WDR25: variants seen among roughly 807,000 people sequenced by gnomAD.
The protein encoded by WDR25 is WD repeat domain 25.
A neutral mutation model predicts 47.7 loss-of-function variants in WDR25; 35 were observed. The observed-to-expected ratio is 0.73, with a 90% CI of 0.56 to 0.97. The LOEUF (loss-of-function observed/expected upper bound fraction) is 0.97, where lower values mean the gene tolerates loss of function less well. Ranked by LOEUF, WDR25 falls within the 50% of genes least tolerant of loss-of-function variation. WDR25 has a pLI of 0.00. For synonymous variants in WDR25, 248 were observed against 278.9 expected (o/e 0.89, Z 1.10); for missense variants, 634 against 704.7 (o/e 0.90, Z 1.14).
intron 2 of WDR25, among the ~76,000 whole-genome samples, chr14:100,445,580 A>G (rs1030332808): frequency 6.6e-6 from 1 of 152,136 alleles, no homozygotes; most frequent in Admixed American, 6.5e-5. Flanking sequence ...CAGCCATGTG[A>G]CTCAGGGGCC....
chr14:100,459,190 G>A (rs918001499), intron 2 of WDR25, among the ~76,000 whole-genome samples: 2 of 152,110 alleles, frequency 1.3e-5, no homozygotes, highest in African/African-American at 4.8e-5. Flanking sequence ...TGAGAGAAGT[G>A]ACCTAATTAT....
At chr14:100,412,684 G>A (rs940944707) in intron 2 of WDR25, among the ~76,000 whole-genome samples, 1 of 152,282 alleles carries the variant, frequency 6.6e-6, no homozygotes, top group South Asian at 2.1e-4. Flanking sequence ...TGTCTCTGTG[G>A]TTTGCCTTAT....
At chr14:100,470,824 G>C (rs558762892) in intron 3 of WDR25, among the ~76,000 whole-genome samples, 1 of 152,312 alleles carries the variant, frequency 6.6e-6, no homozygotes, top group South Asian at 2.1e-4. Context: ...GTGGTGTGTT[G>C]GGTGTGTAAA....
At chr14:100,521,579 G>C (rs529692562) in intron 4 of WDR25, among the ~76,000 whole-genome samples, 2 of 152,210 alleles carry the variant, frequency 1.3e-5, no homozygotes, top group South Asian at 4.2e-4. Context: ...TTCATAGCAG[G>C]ATAGGTTCCT....
chr14:100,381,406 G>A lies in WDR25; in HGVS notation c.482G>A (p.Gly161Asp). The change falls in exon 2 of 7, where the codon GGC (glycine) becomes GAC (aspartate). Residue 161 changes from glycine to aspartate, a missense_variant. Coordinates refer to ENST00000402312, the MANE Select transcript of WDR25 (RefSeq NM_001161476.3). ...GAGTCTGAAACCGTAGGTAAAAATG[G>A]CAGCTCTTTTCAGAAGAAAAAATGT... The part of the protein sequence containing the change: ...QSESETVGKN[G>D]SSFQKKKCED... 2 of 1,614,192 alleles carry A rather than the reference G, an allele frequency of 1.2e-6. No individual in the cohort carries two copies. The highest frequency in any genetic ancestry group is 1.7e-6 in the Non-Finnish European group (2 of 1,180,026).
chr14:100,425,715 T>C lies in WDR25; in HGVS notation c.823-42306T>C, dbSNP rs1487632663. On this transcript the variant is annotated intron_variant, in intron 2 of 6. Transcript: ENST00000402312. The surrounding 1 kb of genome is among the most constrained non-coding windows in gnomAD (Gnocchi z 4.8). ...AGGAGTTCTCAAAAATGACAGGTTTTATTTCAAGGGTCTTTGTTAATCTAA... is the reference window on the plus strand; with the variant it reads ...AGGAGTTCTCAAAAATGACAGGTTTCATTTCAAGGGTCTTTGTTAATCTAA... Among the ~76,000 whole-genome samples, 1 of 152,242 alleles carries C rather than the reference T, an allele frequency of 6.6e-6. No individual in the cohort carries two copies. Among genetic ancestry groups the C allele is most frequent in the Admixed American group, 6.5e-5 (1 of 15,288 alleles).
intron 2 of WDR25, among the ~76,000 whole-genome samples, chr14:100,398,385 T>C (rs954437699): frequency 6.6e-6 from 1 of 152,224 alleles, no homozygotes; most frequent in Non-Finnish European, 1.5e-5. Context: ...TTTATGATAG[T>C]TAAGCCCTAT....
At chr14:100,463,404 C>G (rs1035991224) in intron 2 of WDR25, among the ~76,000 whole-genome samples, 5 of 152,180 alleles carry the variant, frequency 3.3e-5, no homozygotes, top group Non-Finnish European at 7.4e-5. Context: ...ACTCTCTTCT[C>G]TACGCTTCCA....
rs1899721327 is a variant in WDR25 at position 100,468,582 on chromosome 14, A to G, written c.970+414A>G. ...GAGAAATGATTCCAGCTCATAAGGA[A>G]AGTCTTCAAACGAGTTCTGCTTTAA... On this transcript the variant is annotated intron_variant, in intron 3 of 6. Transcript: ENST00000402312. This position sits in a 1 kb window ranked among gnomAD's most constrained non-coding sequence, Gnocchi z 4.5. Among the ~76,000 whole-genome samples, 2 of 152,226 alleles carry G rather than the reference A, an allele frequency of 1.3e-5. No homozygotes were observed. Among genetic ancestry groups the G allele is most frequent in the African/African-American group, 4.8e-5 (2 of 41,464 alleles).
At chr14:100,451,775 C>T (rs182128682) in intron 2 of WDR25, among the ~76,000 whole-genome samples, 14 of 152,308 alleles carry the variant, frequency 9.2e-5, no homozygotes, top group African/African-American at 3.1e-4. Flanking sequence ...TGACCTATGG[C>T]TTGTTGAACA....
At chr14:100,384,203 G>C (rs774175600) in intron 2 of WDR25, among the ~76,000 whole-genome samples, 1 of 152,254 alleles carries the variant, frequency 6.6e-6, no homozygotes, top group African/African-American at 2.4e-5. Flanking sequence ...GGCATCTCCT[G>C]ACCCTCTTTT....
intron 2 of WDR25, among the ~76,000 whole-genome samples, chr14:100,398,771 G>T (rs1033432085): frequency 6.7e-6 from 1 of 148,782 alleles, no homozygotes; most frequent in Non-Finnish European, 1.5e-5. Context: ...TTGTTTTTTT[G>T]GGGGGTGGAC....
chr14:100,490,243 C>T (rs1266532165), intron 4 of WDR25, among the ~76,000 whole-genome samples: 1 of 152,084 alleles, frequency 6.6e-6, no homozygotes, highest in Non-Finnish European at 1.5e-5. Flanking sequence ...GCCTCATTTA[C>T]CATGGTATTC....
At chr14:100,459,102 T>C (rs1400738602) in intron 2 of WDR25, among the ~76,000 whole-genome samples, 2 of 152,160 alleles carry the variant, frequency 1.3e-5, no homozygotes, top group Non-Finnish European at 2.9e-5. Flanking sequence ...AGTTGGTTCT[T>C]TGAGACCAAT....
At chr14:100,493,184 C>A (rs972410313) in intron 4 of WDR25, among the ~76,000 whole-genome samples, 4 of 152,178 alleles carry the variant, frequency 2.6e-5, no homozygotes, top group Admixed American at 2.6e-4. Context: ...CACTCATTCA[C>A]TCAGTTCTTA....
chr14:100,464,597 C>T (rs932555559), intron 2 of WDR25, among the ~76,000 whole-genome samples: 1 of 151,532 alleles, frequency 6.6e-6, no homozygotes, highest in Non-Finnish European at 1.5e-5. Flanking sequence ...GAGCATTTTC[C>T]ATCTCTCCCT....
chr14:100,496,558 C>A (rs1390861928), intron 4 of WDR25, among the ~76,000 whole-genome samples: 2 of 152,030 alleles, frequency 1.3e-5, no homozygotes, highest in Non-Finnish European at 2.9e-5. Flanking sequence ...CTTAAGGAGG[C>A]AAGTTAGGCC....
chr14:100,489,923 G>C (rs1004772325), intron 4 of WDR25, among the ~76,000 whole-genome samples: 1 of 152,140 alleles, frequency 6.6e-6, no homozygotes, highest in Non-Finnish European at 1.5e-5. Flanking sequence ...GCATACCCTG[G>C]TGTCACATTG....
intron 3 of WDR25, among the ~76,000 whole-genome samples, chr14:100,477,300 T>C (rs1330353918): frequency 6.6e-6 from 1 of 152,360 alleles, no homozygotes; most frequent in South Asian, 2.1e-4. Flanking sequence ...TTTATTTGTA[T>C]CATTATTGAT....
Sources: allele counts gnomAD v4.1 joint callset (sites outside exome capture counted in the v4.1 genomes callset), GRCh38; gene constraint gnomAD v4.1.1; non-coding constraint Gnocchi (gnomAD v3.1); transcripts MANE v1.5; gene names NCBI Gene and HGNC (gene_info 2026-07-23, HGNC 2026-07-21).